The following TMEM59L variants were observed in gnomAD, a reference collection of about 807,000 sequenced individuals.
The protein encoded by TMEM59L is transmembrane protein 59-like.
In TMEM59L, 31 loss-of-function variants were observed where a neutral mutation model predicts 39.6. The ratio of observed to expected loss-of-function variants is 0.78; its 90% CI spans 0.59 to 1.06. The LOEUF is 1.06. Among genes scored for constraint, TMEM59L ranks in the 50% least tolerant of loss-of-function variants. The probability of loss-of-function intolerance (pLI) is 0.00; values close to 1 mark genes in which losing one functional copy is unlikely to be tolerated. For synonymous variants in TMEM59L, 219 were observed against 202.9 expected (o/e 1.08, Z -0.68); for missense variants, 441 against 451.3 (o/e 0.98, Z 0.21).
In TMEM59L at chr19:18,613,997, C is replaced by A. The variant is rs368565552; in HGVS notation, c.297C>A (p.Thr99=). The change falls in exon 2 of 8, where the codon ACC becomes ACA. Residue 99 remains threonine (T), a synonymous_variant. Coordinates refer to ENST00000262817, the MANE Select transcript of TMEM59L (RefSeq NM_012109.3). ...FVARSSKPNA[T]QTECEAACVE... The stretch of plus-strand genomic sequence containing the variant: ...CCAGAAGCTCCAAGCCCAATGCCAC[C>A]CAAACTGAGTGTGAAGCAGGTGAGG... 121 of 1,613,410 alleles carry A rather than the reference C, an allele frequency of 7.5e-5. No individual in the cohort carries two copies. The South Asian group carries it at 9.3e-4, about 12-fold the overall frequency.
At position 18,620,461 on chromosome 19, in the gene TMEM59L, G is replaced by T. The variant is rs574113990; in HGVS notation, c.954G>T (p.Leu318=). The change falls in exon 8 of 8, where the codon CTG becomes CTT. Residue 318 remains leucine, a synonymous_variant. Transcript: ENST00000262817. ...TCATGATGGAGCCCGATTGGCCCCT[G>T]TACCCGCCGCCGTCCCACGCCTGTG... The part of the protein sequence containing the change: ...KGFMMEPDWP[L]YPPPSHACED... 12 of 1,613,598 alleles carry T rather than the reference G, an allele frequency of 7.4e-6. No homozygotes were observed. Among genetic ancestry groups the T allele is most frequent in the East Asian group, 6.7e-5 (3 of 44,868 alleles).
At chr19:18,614,831 A>G (rs1217135307) in intron 3 of TMEM59L, among the ~76,000 whole-genome samples, 1 of 152,228 alleles carries the variant, frequency 6.6e-6, no homozygotes, top group Non-Finnish European at 1.5e-5. Flanking sequence ...GGCACAGAAA[A>G]TCATGTAGCA....
intron 1 of TMEM59L, 50 bp from the exon 2 acceptor site, chr19:18,613,822 T>G: frequency 5.0e-6 from 4 of 792,098 alleles, no homozygotes; most frequent in Non-Finnish European, 8.0e-6. Flanking sequence ...CCCCCCACCC[T>G]CCTCCTGCCC....
At chr19:18,617,878 T>C (rs148237364) in intron 5 of TMEM59L, 172 of 505,268 alleles carry the variant, frequency 3.4e-4, no homozygotes, top group African/African-American at 3.1e-3. Context: ...TCTCCTAGGG[T>C]CCATCTCCTA....
At chr19:18,618,839 C>T (rs1414808811) in intron 7 of TMEM59L, among the ~76,000 whole-genome samples, 1 of 151,296 alleles carries the variant, frequency 6.6e-6, no homozygotes, top group East Asian at 1.9e-4. Flanking sequence ...GGACTATGGG[C>T]GCGGGCCACC....
At chr19:18,614,332 C>T in intron 3 of TMEM59L, 137 bp downstream of exon 3, 1 of 932,582 alleles carries the variant, frequency 1.1e-6, no homozygotes. Flanking sequence ...AACCTCCATC[C>T]AGCCCCGTCA....
At chr19:18,618,986 C>T (rs1328617684) in intron 7 of TMEM59L, among the ~76,000 whole-genome samples, 8 of 151,668 alleles carry the variant, frequency 5.3e-5, no homozygotes, top group Non-Finnish European at 8.8e-5. Context: ...TGACCCACCG[C>T]GCCCGGCCTA....
chr19:18,613,042 C>T lies in TMEM59L; in HGVS notation c.84C>T (p.Ala28=). The T allele has an allele frequency of 1.4e-6, 2 of 1,393,918 alleles. No homozygotes were observed. The highest frequency in any genetic ancestry group is 1.9e-6 in the Non-Finnish European group (2 of 1,076,282). The allele number at this position is 1,393,918 out of a possible 1,614,324, so 86.3% of individuals were successfully genotyped here. A position where few individuals can be genotyped will look rare whatever the true frequency, so the allele number is the denominator to read the frequency against. The change falls in exon 1 of 8, where the codon GCC becomes GCT. Residue 28 remains alanine (A), a synonymous_variant. Transcript: ENST00000262817. The part of the protein sequence containing the change: ...ASPPAASAPS[A]RDPFAPQLGD... ...CGCCCGCCGCCTCCGCGCCGTCCGC[C>T]CGCGATCCCTTCGCCCCCCAGCTCG... is the stretch of plus-strand genomic sequence containing the variant.
intron 7 of TMEM59L, 96 bp from the exon 8 acceptor site, chr19:18,620,312 A>T: frequency 2.3e-6 from 3 of 1,311,134 alleles, no homozygotes; most frequent in Non-Finnish European, 3.1e-6. Context: ...AAAAAGAAAA[A>T]AAATAAAACA....
chr19:18,614,403 A>G (rs898495827), intron 3 of TMEM59L, among the ~76,000 whole-genome samples: 2 of 152,220 alleles, frequency 1.3e-5, no homozygotes, highest in African/African-American at 4.8e-5. Flanking sequence ...TTTCAGGAAT[A>G]AGTGGCAGAA....
rs115082996 is a variant in TMEM59L at position 18,620,393 on chromosome 19, C to T, written c.901-15C>T. On this transcript the variant is annotated splice_polypyrimidine_tract_variant and intron_variant, in intron 7 of 7. Transcript: ENST00000262817. ...CCCCGTCCCTCCACTTCCCTCCTCC[C>T]CTCTCTTCCTGCAGCCTCTGACCCT... 2.5e-6 allele frequency: 4 copies of T among 1,601,836 alleles called. No homozygotes were observed. In the Admixed American group the frequency reaches 5.0e-5, roughly 20 times the overall value.
chr19:18,615,374 C>T (rs7256259), intron 3 of TMEM59L, among the ~76,000 whole-genome samples: 9,090 of 152,276 alleles, frequency 0.06, 933 homozygotes, highest in African/African-American at 0.21. Context: ...AGTGCCTGTG[C>T]CGTGCCAGGC....
Position 18,613,139 on chromosome 19 carries a change from G to C in TMEM59L, c.171+10G>C, listed in dbSNP as rs1296940986. ...CCCGCAGCCCTCGCAGGTGAGGCGC[G>C]TGCGGTGCCAGGTGCCAGCGGGGGA... On this transcript the variant is annotated intron_variant, in intron 1 of 7. Coordinates refer to ENST00000262817, the MANE Select transcript of TMEM59L (RefSeq NM_012109.3). 2 of 1,273,284 alleles carry C rather than the reference G, an allele frequency of 1.6e-6. No individual in the cohort carries two copies. The highest frequency in any genetic ancestry group is 2.0e-6 in the Non-Finnish European group (2 of 1,012,776). 78.9% of individuals were successfully genotyped at this position (1,273,284 alleles called of 1,614,324 possible).
chr19:18,613,458 C>A (rs1367361292), intron 1 of TMEM59L, among the ~76,000 whole-genome samples: 2 of 151,872 alleles, frequency 1.3e-5, no homozygotes, highest in Non-Finnish European at 2.9e-5. Flanking sequence ...TCCTCCTCCT[C>A]CACATCGTGT....
chr19:18,613,376 C>T (rs1446591689), intron 1 of TMEM59L, among the ~76,000 whole-genome samples: 1 of 152,070 alleles, frequency 6.6e-6, no homozygotes, highest in Non-Finnish European at 1.5e-5. Context: ...GCTCCTTCCG[C>T]ACTCTGCTGG....
chr19:18,614,081 T>G, intron 2 of TMEM59L, 23 bp from the exon 3 acceptor site: 1 of 1,612,474 alleles, frequency 6.2e-7, no homozygotes, highest in Non-Finnish European at 8.5e-7. Flanking sequence ...CCGTCCCCAG[T>G]CACCCGCTCC....
rs553100245 is a variant in TMEM59L, at chr19:18,620,792, G to T, written c.*256G>T. ...GGCTTGCTACTTTTTGTCTTCTATTGTGTGGCTTTCTGAGTATTTGAACCC... is the reference window on the plus strand; with the variant it reads ...GGCTTGCTACTTTTTGTCTTCTATTTTGTGGCTTTCTGAGTATTTGAACCC... On this transcript the variant is annotated 3_prime_UTR_variant, in exon 8 of 8. Transcript: ENST00000262817. 1.4e-3 allele frequency: 520 copies of T among 378,274 alleles called. No individual in the cohort carries two copies. Among genetic ancestry groups the T allele is most frequent in the Middle Eastern group, 3.0e-3 (4 of 1,354 alleles). The allele number at this position is 378,274 out of a possible 1,614,324, so 23.4% of individuals were successfully genotyped here.
chr19:18,616,127 G>A lies in TMEM59L; in HGVS notation c.561G>A (p.Gln187=). 1 of 1,613,900 alleles carries A rather than the reference G, an allele frequency of 6.2e-7. No homozygotes were observed. The highest frequency in any genetic ancestry group is 8.5e-7 in the Non-Finnish European group (1 of 1,179,912). Residue 187 remains glutamine, a splice_region_variant and synonymous_variant, in exon 4 of 8, where the codon CAG becomes CAA. Transcript: ENST00000262817. ...ACAATGGGAAAGTGGTGGTGTTTCA[G>A]GTGAGACCTCTGACAGGGGCCACGC... is the stretch of plus-strand genomic sequence containing the variant. The part of the protein sequence containing the change: ...QTDNGKVVVF[Q]TQPIVESLGF...
At chr19:18,618,578 G>A (rs1242912559) in intron 7 of TMEM59L, 86 bp downstream of exon 7, 10 of 1,286,284 alleles carry the variant, frequency 7.8e-6, no homozygotes, top group Non-Finnish European at 9.8e-6. Flanking sequence ...TTGGCCACCT[G>A]CTCCCATGGA....
Sources: gnomAD v4.1 joint callset for allele counts (sites outside exome capture counted in the v4.1 genomes callset) on GRCh38, gnomAD v4.1.1 for gene constraint, MANE v1.5 for transcripts, NCBI Gene and HGNC (gene_info 2026-07-23, HGNC 2026-07-21) for gene names.